IQUB: variants seen among roughly 807,000 people sequenced by gnomAD.
IQUB encodes IQ motif and ubiquitin domain containing, also known as IQ motif and ubiquitin-like domain-containing protein.
A neutral mutation model predicts 86.4 loss-of-function variants in IQUB; 86 were observed. The ratio of observed to expected loss-of-function variants is 1.00; its 90% CI spans 0.84 to 1.19. The LOEUF is 1.19. IQUB is among the 50% of genes most tolerant of loss of function. The pLI is 0.00. For missense variants in IQUB, 946 were observed against 916.9 expected, an observed-to-expected ratio of 1.03 and a Z score of -0.41; for synonymous variants, 289 against 304.5, an observed-to-expected ratio of 0.95 and a Z score of 0.53.
At chr7:123,463,264 A>T (rs1794088094) in intron 10 of IQUB, among the ~76,000 whole-genome samples, 1 of 151,718 alleles carries the variant, frequency 6.6e-6, no homozygotes, top group Non-Finnish European at 1.5e-5. Context: ...TGCATTTACC[A>T]TGTGATTCAA....
At chr7:123,505,752 GCATTTT>G (rs1372083597) in intron 3 of IQUB, among the ~76,000 whole-genome samples, 1 of 152,110 alleles carries the variant, frequency 6.6e-6, no homozygotes. Context: ...TGACTTTGAG[GCATTTT>G]CCCCATTATC....
chr7:123,525,910 C>G (rs1217401791), intron 1 of IQUB, among the ~76,000 whole-genome samples: 12 of 145,010 alleles, frequency 8.3e-5, no homozygotes, highest in African/African-American at 3.1e-4. Context: ...TGTCTTTGTT[C>G]TCGTTGGTTT....
At chr7:123,460,667 A>C (rs1314041847) in intron 11 of IQUB, among the ~76,000 whole-genome samples, 1 of 151,936 alleles carries the variant, frequency 6.6e-6, no homozygotes. Flanking sequence ...ACCTAAGTCC[A>C]AACAGTGTCA....
chr7:123,493,429 T>C (rs1025331564), intron 7 of IQUB, among the ~76,000 whole-genome samples: 1 of 152,128 alleles, frequency 6.6e-6, no homozygotes, highest in Non-Finnish European at 1.5e-5. Context: ...GTAAATTCTT[T>C]ATGAGGGAGA....
In IQUB at chr7:123,512,334, T is replaced by C. The variant is rs1562869138; in HGVS notation, c.7A>G (p.Asn3Asp). 1 of 1,549,490 alleles carries C rather than the reference T, an allele frequency of 6.5e-7. No homozygotes were observed. Among genetic ancestry groups the C allele is most frequent in the East Asian group, 2.3e-5 (1 of 43,904 alleles). MS[N>D]QQEKYEAQNI... Reference sequence around the variant, plus strand: ...TGAGCTTCATACTTCTCCTGTTGATTAGACATTTTCCTGAATTAAGAAAAA... The same window carrying C: ...TGAGCTTCATACTTCTCCTGTTGATCAGACATTTTCCTGAATTAAGAAAAA... The change falls in exon 2 of 13, where the codon AAT (asparagine) becomes GAT (aspartate). Residue 3 changes from asparagine (N) to aspartate (D), a missense_variant. Asn to Asp is a conservative substitution (Grantham distance 23, BLOSUM62 1). Coordinates refer to ENST00000324698, the MANE Select transcript of IQUB (RefSeq NM_178827.5).
At chr7:123,510,290 G>A (rs1796361332) in intron 2 of IQUB, among the ~76,000 whole-genome samples, 1 of 152,002 alleles carries the variant, frequency 6.6e-6, no homozygotes, top group African/African-American at 2.4e-5. Flanking sequence ...TCAATACCTG[G>A]TATGTATCAT....
In IQUB at chr7:123,457,559, T is replaced by A; in HGVS notation, c.2015A>T (p.Asp672Val). 4 of 1,600,118 alleles carry A rather than the reference T, an allele frequency of 2.5e-6. No individual in the cohort carries two copies. The highest frequency in any genetic ancestry group is 3.4e-6 in the Non-Finnish European group (4 of 1,175,538). The change falls in exon 12 of 13, where the codon GAC becomes GTC. Residue 672 changes from aspartate to valine, a missense_variant. Asp to Val is a radical substitution (Grantham distance 152). Coordinates refer to ENST00000324698, the MANE Select transcript of IQUB (RefSeq NM_178827.5). ...GATGTTCTCTGTCAGGTACTGAATG[T>A]CTTGTAGCTGCATGTCAAAGCAAGT... The part of the protein sequence containing the change: ...SKIAFLMQLQ[D>V]IQYLTENIWA...
At chr7:123,526,155 G>T (rs1054510333) in intron 1 of IQUB, among the ~76,000 whole-genome samples, 3 of 136,766 alleles carry the variant, frequency 2.2e-5, no homozygotes, top group Non-Finnish European at 5.0e-5. Flanking sequence ...GTGTGGTGTG[G>T]TGCTGAAAAA....
Position 123,529,110 on chromosome 7 carries a change from A to G in IQUB, c.-5+5382T>C, listed in dbSNP as rs1159684912. On this transcript the variant is annotated intron_variant, in intron 1 of 12. Transcript: ENST00000324698. The stretch of plus-strand genomic sequence containing the variant: ...TAAGAGAGTAATATGTGCTTACTAG[A>G]AAAAAAACTAACAGAATAGAAGGGG... Among the ~76,000 whole-genome samples, 6 of 152,064 alleles carry G rather than the reference A, an allele frequency of 3.9e-5. No homozygotes were observed. In the South Asian group the frequency reaches 1.0e-3, roughly 26 times the overall value.
intron 7 of IQUB, among the ~76,000 whole-genome samples, chr7:123,495,921 A>G (rs1218158277): frequency 6.6e-6 from 1 of 152,176 alleles, no homozygotes; most frequent in Admixed American, 6.6e-5. Flanking sequence ...TACTAAAGAA[A>G]TAACTGAGAC....
At chr7:123,503,970 T>G (rs187829402) in intron 3 of IQUB, among the ~76,000 whole-genome samples, 2 of 152,178 alleles carry the variant, frequency 1.3e-5, no homozygotes, top group African/African-American at 2.4e-5. Context: ...AAAGACATTC[T>G]ATGGTATGAG....
At chr7:123,460,859 G>C (rs1793945668) in intron 11 of IQUB, among the ~76,000 whole-genome samples, 1 of 151,700 alleles carries the variant, frequency 6.6e-6, no homozygotes, top group Non-Finnish European at 1.5e-5. Flanking sequence ...GATTACGTAG[G>C]GTCAATGATC....
chr7:123,514,403 G>C (rs193168025), intron 1 of IQUB, among the ~76,000 whole-genome samples: 102 of 152,128 alleles, frequency 6.7e-4, no homozygotes, highest in Non-Finnish European at 7.4e-5. Flanking sequence ...CTCAAAGGAG[G>C]AAAATGATTT....
intron 1 of IQUB, among the ~76,000 whole-genome samples, chr7:123,527,732 G>A (rs1457706183): frequency 1.3e-5 from 2 of 152,138 alleles, no homozygotes; most frequent in African/African-American, 4.8e-5. Context: ...GTCAGACAGG[G>A]ACATTTAAGT....
chr7:123,512,758 A>C (rs1796479118), intron 1 of IQUB, among the ~76,000 whole-genome samples: 1 of 152,158 alleles, frequency 6.6e-6, no homozygotes, highest in Non-Finnish European at 1.5e-5. Flanking sequence ...GTGTACCCTG[A>C]ACAGAATACA....
rs772719644 is a variant in IQUB at position 123,502,587 on chromosome 7, G to T, written c.1023+10C>A. 24 of 1,606,848 alleles carry T rather than the reference G, an allele frequency of 1.5e-5. No homozygotes were observed. The South Asian group carries it at 2.7e-4, about 18-fold the overall frequency. ...TTTTTAGTATTCATCCACAATAAAA[G>T]TTATCTCACCGCCTTTAGTCTTTGA... On this transcript the variant is annotated intron_variant, in intron 6 of 12. Coordinates refer to ENST00000324698, the MANE Select transcript of IQUB (RefSeq NM_178827.5).
intron 3 of IQUB, among the ~76,000 whole-genome samples, chr7:123,504,665 G>A (rs1196016972): frequency 1.3e-5 from 2 of 151,932 alleles, no homozygotes; most frequent in Non-Finnish European, 2.9e-5. Flanking sequence ...AGACAGCAAG[G>A]GGGAAATCCG....
At chr7:123,506,114 G>A (rs779198185) in intron 3 of IQUB, among the ~76,000 whole-genome samples, 15 of 152,186 alleles carry the variant, frequency 9.9e-5, no homozygotes, top group Admixed American at 2.6e-4. Flanking sequence ...AGCATAGCAC[G>A]TGTGACCTTT....
intron 1 of IQUB, among the ~76,000 whole-genome samples, chr7:123,529,104 T>C (rs1420408230): frequency 6.6e-6 from 1 of 152,162 alleles, no homozygotes; most frequent in East Asian, 1.9e-4. Flanking sequence ...AATATGTGCT[T>C]ACTAGAAAAA....
Sources: gnomAD v4.1 joint callset for allele counts (sites outside exome capture counted in the v4.1 genomes callset) on GRCh38, gnomAD v4.1.1 for gene constraint, MANE v1.5 for transcripts, NCBI Gene and HGNC (gene_info 2026-07-23, HGNC 2026-07-21) for gene names.